Variants in HTR1A observed in about 807,000 individuals in gnomAD.
HTR1A encodes the protein 5-hydroxytryptamine receptor 1A, also known as 5-HT1a receptor.
HTR1A carries 17 observed loss-of-function variants against 24.6 expected under a neutral mutation model. The ratio of observed to expected loss-of-function variants is 0.69; its 90% CI spans 0.47 to 1.04. HTR1A has a LOEUF of 1.04. Among genes scored for constraint, HTR1A ranks in the 50% least tolerant of loss-of-function variants. HTR1A has a pLI of 0.00. For missense variants in HTR1A, 515 were observed against 565.1 expected (o/e 0.91, Z 0.90); for synonymous variants, 262 against 244.6 (o/e 1.07, Z -0.67).
rs1746358972 is a variant in HTR1A at position 63,958,631 on chromosome 5, G to A, written c.*1820C>T. ...GACCATTATTCATAAGAAAATTGGA[G>A]GCTAGATCAAACAATGACAAACCTC... is the stretch of plus-strand genomic sequence containing the variant. On this transcript the variant is annotated 3_prime_UTR_variant, in exon 1 of 1. Transcript: ENST00000323865. 6.6e-6 allele frequency among the ~76,000 whole-genome samples: 1 copy of A among 152,146 alleles called. No homozygotes were observed.
chr5:63,962,069 T>A lies in HTR1A; in HGVS notation c.-350A>T. ...CCCGAACTGGCTGCCGGAGCTGGAG[T>A]CTCCCCACTAGCAAACAGTCTCCAA... is the stretch of plus-strand genomic sequence containing the variant. On this transcript the variant is annotated 5_prime_UTR_variant, in exon 1 of 1. Transcript: ENST00000323865. The A allele has an allele frequency of 2.5e-6, 1 of 407,918 alleles. No homozygotes were observed. The highest frequency in any genetic ancestry group is 4.6e-6 in the Non-Finnish European group (1 of 216,564). 25.3% of individuals were successfully genotyped at this position (407,918 alleles called of 1,614,324 possible). A position where few individuals can be genotyped will look rare whatever the true frequency, so the allele number is the denominator to read the frequency against.
chr5:63,960,699 T>A lies in HTR1A; in HGVS notation c.1021A>T (p.Arg341Trp). ...AKRKMALARERKTVKTLGIIM... is the reference protein window; with the variant it reads ...AKRKMALAREWKTVKTLGIIM... The stretch of plus-strand genomic sequence containing the variant: ...ATGCCCAGCGTCTTCACTGTCTTCC[T>A]CTCTCGGGCCAGGGCCATCTTGCGC... The change falls in exon 1 of 1, where the codon AGG (arginine) becomes TGG (tryptophan). Residue 341 changes from arginine to tryptophan, a missense_variant. Arg to Trp is a moderately radical substitution (Grantham distance 101). This residue lies in a region of HTR1A where 381 missense variants were observed against 384.5 expected (regional missense o/e 0.99). Coordinates refer to ENST00000323865, the MANE Select transcript of HTR1A (RefSeq NM_000524.4). The A allele has an allele frequency of 6.2e-7, 1 of 1,614,202 alleles. No individual in the cohort carries two copies. Among genetic ancestry groups the A allele is most frequent in the African/African-American group, 1.3e-5 (1 of 75,070 alleles).
rs754665888 is a variant in HTR1A, at chr5:63,961,642, A to C, written c.78T>G (p.Thr26=). The C allele has an allele frequency of 3.6e-5, 58 of 1,613,754 alleles. No individual in the cohort carries two copies. Among genetic ancestry groups the C allele is most frequent in the Non-Finnish European group, 4.6e-5 (54 of 1,180,054 alleles). The part of the protein sequence containing the change: ...PAPFETGGNT[T]GISDVTVSYQ... Reference sequence around the variant, plus strand: ...AGCTGACGGTCACGTCGGAGATACCAGTAGTGTTGCCGCCGGTCTCAAAGG... The same window carrying C: ...AGCTGACGGTCACGTCGGAGATACCCGTAGTGTTGCCGCCGGTCTCAAAGG... Residue 26 remains threonine (T), a synonymous_variant, in exon 1 of 1, where the codon ACT becomes ACG. Coordinates refer to ENST00000323865, the MANE Select transcript of HTR1A (RefSeq NM_000524.4).
Position 63,960,452 on chromosome 5 carries a change from C to A in HTR1A, c.1268G>T (p.Ter423LeuextTer1). Residue 423 changes from the stop codon to leucine (L), a stop_lost, in exon 1 of 1, where the codon TGA (stop) becomes TTA (leucine). Transcript: ENST00000323865. ...KIIKCKFCRQ[*>L] Reference sequence around the variant, plus strand: ...GACTGGCCGGCTACTCCTCCGTCATCACTGGCGGCAGAACTTACACTTAAT... The same window carrying A: ...GACTGGCCGGCTACTCCTCCGTCATAACTGGCGGCAGAACTTACACTTAAT... The A allele has an allele frequency of 1.2e-6, 2 of 1,614,204 alleles. No homozygotes were observed. The highest frequency in any genetic ancestry group is 1.7e-6 in the Non-Finnish European group (2 of 1,180,022).
rs1746404651 is a variant in HTR1A, at chr5:63,960,473, T to A, written c.1247A>T (p.Lys416Met). Reference sequence around the variant, plus strand: ...TCATCACTGGCGGCAGAACTTACACTTAATGATCTTCTTAAACGCGTTTTG... The same window carrying A: ...TCATCACTGGCGGCAGAACTTACACATAATGATCTTCTTAAACGCGTTTTG... The part of the protein sequence containing the change: ...DFQNAFKKII[K>M]CKFCRQ Residue 416 changes from lysine (K) to methionine (M), a missense_variant, in exon 1 of 1, where the codon AAG (lysine) becomes ATG (methionine). Coordinates refer to ENST00000323865, the MANE Select transcript of HTR1A (RefSeq NM_000524.4). The A allele has an allele frequency of 1.2e-6, 2 of 1,614,124 alleles. No individual in the cohort carries two copies. Among genetic ancestry groups the A allele is most frequent in the Non-Finnish European group, 1.7e-6 (2 of 1,180,044 alleles).
chr5:63,960,978 G>A lies in HTR1A; in HGVS notation c.742C>T (p.Pro248Ser), dbSNP rs1468561116. Residue 248 changes from proline to serine, a missense_variant, in exon 1 of 1, where the codon CCG becomes TCG. Coordinates refer to ENST00000323865, the MANE Select transcript of HTR1A (RefSeq NM_000524.4). ...ADTRHGASPAPQPKKSVNGES... is the reference protein window; with the variant it reads ...ADTRHGASPASQPKKSVNGES... Reference sequence around the variant, plus strand: ...CCATTCACACTCTTCTTGGGCTGCGGGGCGGGAGATGCTCCATGGCGGGTG... The same window carrying A: ...CCATTCACACTCTTCTTGGGCTGCGAGGCGGGAGATGCTCCATGGCGGGTG... The A allele has an allele frequency of 6.2e-7, 1 of 1,614,206 alleles. No homozygotes were observed. Among genetic ancestry groups the A allele is most frequent in the South Asian group, 1.1e-5 (1 of 91,092 alleles).
At position 63,960,401 on chromosome 5, in the gene HTR1A, G is replaced by A. The variant is rs779002964; in HGVS notation, c.*50C>T. On this transcript the variant is annotated 3_prime_UTR_variant, in exon 1 of 1. Transcript: ENST00000323865. ...ATTCCCTAGGGTTGGGGGAAGCATA[G>A]TGAATGGGACGGATCCTGTAGCCTC... 9 of 1,570,012 alleles carry A rather than the reference G, an allele frequency of 5.7e-6. No homozygotes were observed. The African/African-American group carries it at 6.8e-5, about 12-fold the overall frequency.
chr5:63,961,055 G>A lies in HTR1A; in HGVS notation c.665C>T (p.Ala222Val), dbSNP rs746421729. 6.2e-7 allele frequency: 1 copy of A among 1,614,224 alleles called. No individual in the cohort carries two copies. The change falls in exon 1 of 1, where the codon GCG (alanine) becomes GTG (valine). Residue 222 changes from alanine (A) to valine (V), a missense_variant. Ala to Val is a moderately conservative substitution (Grantham distance 64, BLOSUM62 0). Around this residue, in one of 3 missense-constraint regions of HTR1A, gnomAD observed 381 missense variants for 384.5 expected, o/e 0.99. Coordinates refer to ENST00000323865, the MANE Select transcript of HTR1A (RefSeq NM_000524.4). ...GACCGTCTTGCGGATGCGGAAGCGCGCAGCTCGGAATATGCGCCCATAGAG... is the reference window on the plus strand; with the variant it reads ...GACCGTCTTGCGGATGCGGAAGCGCACAGCTCGGAATATGCGCCCATAGAG... ...LVLYGRIFRAARFRIRKTVKK... is the reference protein window; with the variant it reads ...LVLYGRIFRAVRFRIRKTVKK...
In HTR1A at chr5:63,961,062, G is replaced by C. The variant is rs957757364; in HGVS notation, c.658C>G (p.Arg220Gly). 1.9e-6 allele frequency: 3 copies of C among 1,614,234 alleles called. No individual in the cohort carries two copies. The highest frequency in any genetic ancestry group is 1.7e-6 in the Non-Finnish European group (2 of 1,180,052). The part of the protein sequence containing the change: ...LMLVLYGRIF[R>G]AARFRIRKTV... ...TTGCGGATGCGGAAGCGCGCAGCTC[G>C]GAATATGCGCCCATAGAGAACCAGC... Residue 220 changes from arginine (R) to glycine (G), a missense_variant, in exon 1 of 1, where the codon CGA (arginine) becomes GGA (glycine). This residue lies in a region of HTR1A where 381 missense variants were observed against 384.5 expected (regional missense o/e 0.99). Transcript: ENST00000323865.
At position 63,961,409 on chromosome 5, in the gene HTR1A, A is replaced by G; in HGVS notation, c.311T>C (p.Leu104Pro). The G allele has an allele frequency of 2.5e-6, 4 of 1,613,922 alleles. No individual in the cohort carries two copies. The highest frequency in any genetic ancestry group is 3.4e-6 in the Non-Finnish European group (4 of 1,179,884). Residue 104 changes from leucine (L) to proline (P), a missense_variant, in exon 1 of 1, where the codon CTG becomes CCG. By Grantham distance (98) the Leu-to-Pro change is moderately conservative (BLOSUM62 -3). Transcript: ENST00000323865. The stretch of plus-strand genomic sequence containing the variant: ...GAACAGGTCGCAGGTTACCTGGCCC[A>G]GTGTCCACTTGTTGAGCACCTGATA... ...ALYQVLNKWTLGQVTCDLFIA... is the reference protein window; with the variant it reads ...ALYQVLNKWTPGQVTCDLFIA...
Position 63,960,760 on chromosome 5 carries a change from A to T in HTR1A, c.960T>A (p.Ser320=), listed in dbSNP as rs1329044536. ...CGTTGCGCTCATTTTTCCTCTCGAAAGAGGCGGGGGCACAAGGGGTAGGAC... is the reference window on the plus strand; with the variant it reads ...CGTTGCGCTCATTTTTCCTCTCGAATGAGGCGGGGGCACAAGGGGTAGGAC... The part of the protein sequence containing the change: ...EAGPTPCAPA[S]FERKNERNAE... The change falls in exon 1 of 1, where the codon TCT becomes TCA. Residue 320 remains serine, a synonymous_variant. Coordinates refer to ENST00000323865, the MANE Select transcript of HTR1A (RefSeq NM_000524.4). 1.2e-6 allele frequency: 2 copies of T among 1,614,174 alleles called. No individual in the cohort carries two copies. Among genetic ancestry groups the T allele is most frequent in the South Asian group, 2.2e-5 (2 of 91,090 alleles).
Position 63,959,344 on chromosome 5 carries a change from T to G in HTR1A, c.*1107A>C, listed in dbSNP as rs1324545112. Among the ~76,000 whole-genome samples the G allele has an allele frequency of 1.3e-5, 2 of 152,152 alleles. No homozygotes were observed. The highest frequency in any genetic ancestry group is 4.8e-5 in the African/African-American group (2 of 41,438). On this transcript the variant is annotated 3_prime_UTR_variant, in exon 1 of 1. Coordinates refer to ENST00000323865, the MANE Select transcript of HTR1A (RefSeq NM_000524.4). ...CACTGGCTAAGGCAAAAACCTCAGG[T>G]GTCTACCCGCGCTTCAGGGCGCCCC...
In HTR1A at chr5:63,960,955, A is replaced by G. The variant is rs539402086; in HGVS notation, c.765T>C (p.Asn255=). 5.0e-6 allele frequency: 8 copies of G among 1,614,114 alleles called. No individual in the cohort carries two copies. In the African/African-American group the frequency reaches 5.3e-5, roughly 11 times the overall value. ...SPAPQPKKSV[N]GESGSRNWRL... ...TCCAGTTCCTGCTCCCCGACTCTCCATTCACACTCTTCTTGGGCTGCGGGG... is the reference window on the plus strand; with the variant it reads ...TCCAGTTCCTGCTCCCCGACTCTCCGTTCACACTCTTCTTGGGCTGCGGGG... The change falls in exon 1 of 1, where the codon AAT becomes AAC. Residue 255 remains asparagine, a synonymous_variant. Transcript: ENST00000323865.
In HTR1A at chr5:63,962,227, C is replaced by T. The variant is rs1746455525; in HGVS notation, c.-508G>A. ...TCTCTCTTCTGCCTCTTTCGTCCCC[C>T]TTCTCCCCACCTGCCTTCCCTTTCA... On this transcript the variant is annotated 5_prime_UTR_variant, in exon 1 of 1. Coordinates refer to ENST00000323865, the MANE Select transcript of HTR1A (RefSeq NM_000524.4). 5.1e-6 allele frequency: 1 copy of T among 195,718 alleles called. No individual in the cohort carries two copies. Among genetic ancestry groups the T allele is most frequent in the East Asian group, 1.3e-4 (1 of 7,592 alleles). 12.1% of individuals were successfully genotyped at this position (195,718 alleles called of 1,614,324 possible). A position where few individuals can be genotyped will look rare whatever the true frequency, so the allele number is the denominator to read the frequency against.
rs748526206 is a variant in HTR1A at position 63,961,271 on chromosome 5, G to C, written c.449C>G (p.Pro150Arg). Residue 150 changes from proline to arginine, a missense_variant, in exon 1 of 1, where the codon CCC becomes CGC. Coordinates refer to ENST00000323865, the MANE Select transcript of HTR1A (RefSeq NM_000524.4). ...DPIDYVNKRT[P>R]RRAAALISLT... is the part of the protein sequence containing the mutation. The stretch of plus-strand genomic sequence containing the variant: ...CGAGATGAGCGCAGCGGCGCGCCGG[G>C]GCGTCCTCTTGTTCACGTAGTCGAT... The C allele has an allele frequency of 2.5e-6, 4 of 1,614,134 alleles. No homozygotes were observed. The Admixed American group carries it at 6.7e-5, about 27-fold the overall frequency.
At position 63,960,536 on chromosome 5, in the gene HTR1A, A is replaced by G. The variant is rs1288985628; in HGVS notation, c.1184T>C (p.Leu395Pro). Residue 395 changes from leucine to proline, a missense_variant, in exon 1 of 1, where the codon CTT (leucine) becomes CCT (proline). By Grantham distance (98) the Leu-to-Pro change is moderately conservative. Coordinates refer to ENST00000323865, the MANE Select transcript of HTR1A (RefSeq NM_000524.4). The part of the protein sequence containing the change: ...INWLGYSNSL[L>P]NPVIYAYFNK... ...GAAGTATGCGTAAATGACGGGGTTA[A>G]GCAGAGAGTTGGAGTAGCCCAGCCA... 6.2e-7 allele frequency: 1 copy of G among 1,614,224 alleles called. No homozygotes were observed. Among genetic ancestry groups the G allele is most frequent in the Non-Finnish European group, 8.5e-7 (1 of 1,180,036 alleles).
In HTR1A at chr5:63,959,421, T is replaced by C. The variant is rs1183671197; in HGVS notation, c.*1030A>G. On this transcript the variant is annotated 3_prime_UTR_variant, in exon 1 of 1. Coordinates refer to ENST00000323865, the MANE Select transcript of HTR1A (RefSeq NM_000524.4). ...CTGTAAGTCAGCAGCCGGGAGCGCC[T>C]AGCGCGCTGCGAGAGCACAGATGGC... Among the ~76,000 whole-genome samples, 1 of 152,230 alleles carries C rather than the reference T, an allele frequency of 6.6e-6. No individual in the cohort carries two copies. The highest frequency in any genetic ancestry group is 6.5e-5 in the Admixed American group (1 of 15,288).
rs541534381 is a variant in HTR1A at position 63,959,350 on chromosome 5, C to A, written c.*1101G>T. On this transcript the variant is annotated 3_prime_UTR_variant, in exon 1 of 1. Coordinates refer to ENST00000323865, the MANE Select transcript of HTR1A (RefSeq NM_000524.4). ...CTAAGGCAAAAACCTCAGGTGTCTA[C>A]CCGCGCTTCAGGGCGCCCCAGAGCG... 1.2e-4 allele frequency among the ~76,000 whole-genome samples: 19 copies of A among 152,346 alleles called. No homozygotes were observed. Among genetic ancestry groups the A allele is most frequent in the Admixed American group, 5.9e-4 (9 of 15,308 alleles).
At position 63,960,566 on chromosome 5, in the gene HTR1A, A is replaced by T; in HGVS notation, c.1154T>A (p.Ile385Asn). ...CHMPTLLGAI[I>N]NWLGYSNSLL... ...AGAGTTGGAGTAGCCCAGCCAATTG[A>T]TTATGGCGCCCAACAGGGTGGGCAT... is the stretch of plus-strand genomic sequence containing the variant. Residue 385 changes from isoleucine to asparagine, a missense_variant, in exon 1 of 1, where the codon ATC becomes AAC. Around this residue, in one of 3 missense-constraint regions of HTR1A, gnomAD observed 381 missense variants for 384.5 expected, o/e 0.99. Transcript: ENST00000323865. 1 of 1,614,214 alleles carries T rather than the reference A, an allele frequency of 6.2e-7. No individual in the cohort carries two copies. The highest frequency in any genetic ancestry group is 8.5e-7 in the Non-Finnish European group (1 of 1,180,036).
Sources: gnomAD v4.1 joint callset for allele counts (sites outside exome capture counted in the v4.1 genomes callset) on GRCh38, gnomAD v4.1.1 for gene constraint, gnomAD v4.1.1 regional missense constraint, MANE v1.5 for transcripts, NCBI Gene and HGNC (gene_info 2026-07-23, HGNC 2026-07-21) for gene names.